Variants in CPE observed in about 807,000 individuals in gnomAD.
CPE encodes the protein carboxypeptidase E.
In CPE, 17 loss-of-function variants were observed where a neutral mutation model predicts 53.5. The ratio of observed to expected loss-of-function variants is 0.32; its 90% CI spans 0.22 to 0.48. The LOEUF (loss-of-function observed/expected upper bound fraction) is 0.48. Among genes scored for constraint, CPE ranks in the 20% least tolerant of loss-of-function variants. The pLI is 0.99. For missense variants in CPE, 524 were observed against 614.7 expected, an observed-to-expected ratio of 0.85 and a Z score of 1.56; for synonymous variants, 226 against 228.8, an observed-to-expected ratio of 0.99 and a Z score of 0.11.
Position 165,493,258 on chromosome 4 carries a change from G to A in CPE, c.1201G>A (p.Asp401Asn), listed in dbSNP as rs1732639926. ...CATCTCCGTGGAAGGAATAGACCAC[G>A]ATGTTACATCCGGTGGGTCTTTGCC... is the stretch of plus-strand genomic sequence containing the variant. The part of the protein sequence containing the change: ...ATISVEGIDH[D>N]VTSAKDGDYW... Residue 401 changes from aspartate to asparagine, a missense_variant, in exon 7 of 9, where the codon GAT (aspartate) becomes AAT (asparagine). Coordinates refer to ENST00000402744, the MANE Select transcript of CPE (RefSeq NM_001873.4). 1 of 1,613,396 alleles carries A rather than the reference G, an allele frequency of 6.2e-7. No homozygotes were observed.
At chr4:165,385,364 C>T (rs2126651847) in intron 1 of CPE, among the ~76,000 whole-genome samples, 1 of 151,230 alleles carries the variant, frequency 6.6e-6, no homozygotes, top group South Asian at 2.1e-4. Context: ...TCTTAGGATG[C>T]TGTTGCACAG....
intron 2 of CPE, among the ~76,000 whole-genome samples, chr4:165,466,157 A>T (rs1732100030): frequency 6.6e-6 from 1 of 152,196 alleles, no homozygotes; most frequent in African/African-American, 2.4e-5. Context: ...AGCCTACTAC[A>T]CACCTAGGCT....
chr4:165,401,616 G>T (rs181145110), intron 1 of CPE, among the ~76,000 whole-genome samples: 4 of 152,286 alleles, frequency 2.6e-5, no homozygotes, highest in South Asian at 2.1e-4. Flanking sequence ...ATGAATAATA[G>T]AAATTATTAT....
In CPE at chr4:165,406,802, A is replaced by G. The variant is rs146442982; in HGVS notation, c.307+27274A>G. Among the ~76,000 whole-genome samples the G allele has an allele frequency of 2.1e-3, 321 of 152,334 alleles. 1 individual carries two copies. Among genetic ancestry groups the G allele is most frequent in the African/African-American group, 7.5e-3 (310 of 41,572 alleles). ...CCAACAACTCTAGGCCACCAGACTA[A>G]TCGACTTTTTGTCTCTGTAGATTTG... On this transcript the variant is annotated intron_variant, in intron 1 of 8. Coordinates refer to ENST00000402744, the MANE Select transcript of CPE (RefSeq NM_001873.4).
chr4:165,467,494 G>A (rs1732128635), intron 2 of CPE, among the ~76,000 whole-genome samples, 194 bp from the exon 3 acceptor site: 1 of 152,138 alleles, frequency 6.6e-6, no homozygotes, highest in Non-Finnish European at 1.5e-5. Context: ...TCATTATGCG[G>A]CCCATCACAG....
intron 2 of CPE, 115 bp from the exon 3 acceptor site, chr4:165,467,573 G>A: frequency 1.0e-6 from 1 of 997,884 alleles, no homozygotes; most frequent in Non-Finnish European, 1.4e-6. Context: ...GGAGGGCATT[G>A]TTGAAGTAAA....
Position 165,470,157 on chromosome 4 carries a change from G to T in CPE, c.672+2302G>T, listed in dbSNP as rs115296918. Reference sequence around the variant, plus strand: ...AGCAGGAGTGAAAGTTTATTAAAAAGTTTAGAGCATGAATGAAAGGAGGTA... The same window carrying T: ...AGCAGGAGTGAAAGTTTATTAAAAATTTTAGAGCATGAATGAAAGGAGGTA... On this transcript the variant is annotated intron_variant, in intron 3 of 8. Transcript: ENST00000402744. Among the ~76,000 whole-genome samples the T allele has an allele frequency of 9.3e-3, 1,413 of 152,270 alleles. 20 individuals carry two copies. The highest frequency in any genetic ancestry group is 0.033 in the African/African-American group (1,358 of 41,540).
intron 1 of CPE, among the ~76,000 whole-genome samples, chr4:165,410,140 T>C (rs951314018): frequency 6.6e-6 from 1 of 151,426 alleles, no homozygotes; most frequent in Non-Finnish European, 1.5e-5. Context: ...TCCCAGCTAC[T>C]TGGGAGGCTG....
chr4:165,439,899 A>G (rs1164235510), intron 1 of CPE, among the ~76,000 whole-genome samples: 2 of 152,178 alleles, frequency 1.3e-5, no homozygotes, highest in Non-Finnish European at 2.9e-5. Flanking sequence ...CACTCCCCAG[A>G]TCAGCTCGTG....
intron 1 of CPE, among the ~76,000 whole-genome samples, chr4:165,414,150 A>G (rs1166536728): frequency 6.6e-6 from 1 of 152,248 alleles, no homozygotes; most frequent in African/African-American, 2.4e-5. Flanking sequence ...TATGTAATTC[A>G]TATTTTAAGC....
At chr4:165,469,451 T>C (rs1732165883) in intron 3 of CPE, among the ~76,000 whole-genome samples, 1 of 152,180 alleles carries the variant, frequency 6.6e-6, no homozygotes, top group Non-Finnish European at 1.5e-5. Context: ...CGATACCCTA[T>C]AGACTCAACT....
intron 6 of CPE, among the ~76,000 whole-genome samples, chr4:165,488,480 A>T (rs1394298701): frequency 6.6e-6 from 1 of 152,160 alleles, no homozygotes; most frequent in Non-Finnish European, 1.5e-5. Context: ...TAGTATGTAG[A>T]CACTGGCCCC....
In CPE at chr4:165,483,858, C is replaced by T. The variant is rs148174602; in HGVS notation, c.791-564C>T. 1.1e-4 allele frequency among the ~76,000 whole-genome samples: 16 copies of T among 152,156 alleles called. No individual in the cohort carries two copies. The East Asian group carries it at 2.1e-3, about 20-fold the overall frequency. ...ATATTGGAAACTGAGTGTTGAAGAA[C>T]GTCTTTGGGGAAATAACATTGTTAA... is the stretch of plus-strand genomic sequence containing the variant. On this transcript the variant is annotated intron_variant, in intron 4 of 8. Coordinates refer to ENST00000402744, the MANE Select transcript of CPE (RefSeq NM_001873.4).
intron 1 of CPE, among the ~76,000 whole-genome samples, chr4:165,429,478 A>C (rs67261593): frequency 0.29 from 44,749 of 151,940 alleles, 6,663 homozygotes; most frequent in Middle Eastern, 0.39. Context: ...CAACACGAGT[A>C]GATTGCTTGA....
chr4:165,439,632 G>A lies in CPE; in HGVS notation c.308-24758G>A, dbSNP rs1579262090. Among the ~76,000 whole-genome samples the A allele has an allele frequency of 2.6e-5, 4 of 151,266 alleles. No individual in the cohort carries two copies. In the South Asian group the frequency reaches 6.3e-4, roughly 24 times the overall value. On this transcript the variant is annotated intron_variant, in intron 1 of 8. Coordinates refer to ENST00000402744, the MANE Select transcript of CPE (RefSeq NM_001873.4). ...TTTCAAACTTATATCTCAGTTCTCAGTGTGACAGGAGGTTCATGTTACATT... is the reference window on the plus strand; with the variant it reads ...TTTCAAACTTATATCTCAGTTCTCAATGTGACAGGAGGTTCATGTTACATT...
intron 6 of CPE, among the ~76,000 whole-genome samples, chr4:165,489,955 G>A (rs1732572202): frequency 1.3e-5 from 2 of 152,224 alleles, no homozygotes; most frequent in South Asian, 4.1e-4. Flanking sequence ...TCTAAGCAGT[G>A]AGTGGTATTT....
At chr4:165,454,147 T>A (rs778302882) in intron 1 of CPE, among the ~76,000 whole-genome samples, 20 of 152,216 alleles carry the variant, frequency 1.3e-4, no homozygotes, top group Non-Finnish European at 2.4e-4. Flanking sequence ...GCCTCTCATA[T>A]GCCAGTACAA....
chr4:165,448,216 A>T (rs1037746397), intron 1 of CPE, among the ~76,000 whole-genome samples: 1 of 152,246 alleles, frequency 6.6e-6, no homozygotes, highest in South Asian at 2.1e-4. Flanking sequence ...CTTTTCAAAA[A>T]TAAAACTTCA....
chr4:165,402,560 TTAAGTGTA>T lies in CPE; in HGVS notation c.307+23034_307+23041del, dbSNP rs1730885884. Among the ~76,000 whole-genome samples, 3 of 152,114 alleles carry T rather than the reference TTAAGTGTA, an allele frequency of 2.0e-5. No individual in the cohort carries two copies. In the South Asian group the frequency reaches 6.2e-4, roughly 32 times the overall value. Reference sequence around the variant, plus strand: ...CCTGGTGAGTTCTCGCGAGATCTGATTAAGTGTATGGTACCTCCCCCACCTTACTCCCT... The same window carrying T: ...CCTGGTGAGTTCTCGCGAGATCTGATTGGTACCTCCCCCACCTTACTCCCT... On this transcript the variant is annotated intron_variant, in intron 1 of 8. Coordinates refer to ENST00000402744, the MANE Select transcript of CPE (RefSeq NM_001873.4).
Sources: gnomAD v4.1 joint callset for allele counts (sites outside exome capture counted in the v4.1 genomes callset) on GRCh38, gnomAD v4.1.1 for gene constraint, MANE v1.5 for transcripts, NCBI Gene and HGNC (gene_info 2026-07-23, HGNC 2026-07-21) for gene names.